ESRRG: variants seen among roughly 807,000 people sequenced by gnomAD.
ESRRG encodes estrogen-related receptor gamma.
ESRRG carries 13 observed loss-of-function variants against 44.0 expected under a neutral mutation model. The observed-to-expected ratio is 0.30, with a 90% CI of 0.19 to 0.47. ESRRG has a LOEUF of 0.47. ESRRG is among the 20% of genes least tolerant of loss of function. ESRRG has a pLI of 1.00. For missense variants in ESRRG, 395 were observed against 580.6 expected, an observed-to-expected ratio of 0.68 and a Z score of 3.29; for synonymous variants, 215 against 214.6, an observed-to-expected ratio of 1.00 and a Z score of -0.02.
intron 1 of ESRRG, among the ~76,000 whole-genome samples, chr1:217,084,922 T>C (rs2091986809): frequency 6.6e-6 from 1 of 152,172 alleles, no homozygotes; most frequent in African/African-American, 2.4e-5. Flanking sequence ...AAAGGCCTGA[T>C]TTAAAACTAT....
chr1:216,576,445 G>A (rs570062943), intron 3 of ESRRG, among the ~76,000 whole-genome samples: 1 of 151,774 alleles, frequency 6.6e-6, no homozygotes, highest in Non-Finnish European at 1.5e-5. Flanking sequence ...GCAAGGGGAA[G>A]TCTTTCGTTT....
intron 1 of ESRRG, among the ~76,000 whole-genome samples, chr1:216,942,088 C>A (rs991593727): frequency 6.9e-6 from 1 of 144,230 alleles, no homozygotes; most frequent in African/African-American, 2.5e-5. Context: ...CTTTTGGAGT[C>A]CCCAGTGTCT....
At chr1:216,508,203 T>C (rs2041728096) in intron 6 of ESRRG, among the ~76,000 whole-genome samples, 1 of 152,190 alleles carries the variant, frequency 6.6e-6, no homozygotes, top group South Asian at 2.1e-4. Context: ...AGAGGGAATG[T>C]AATTTAAAAT....
intron 1 of ESRRG, among the ~76,000 whole-genome samples, chr1:217,063,082 C>T (rs1580279790): frequency 6.6e-6 from 1 of 152,116 alleles, no homozygotes; most frequent in East Asian, 1.9e-4. Context: ...TATTGTTACC[C>T]TTCCCCTCCT....
chr1:216,718,706 A>C (rs2085463969), intron 1 of ESRRG, among the ~76,000 whole-genome samples: 1 of 152,042 alleles, frequency 6.6e-6, no homozygotes. Context: ...AAACTGGGCC[A>C]GTGTAATCAA....
chr1:217,066,112 A>G (rs1231758963), intron 1 of ESRRG, among the ~76,000 whole-genome samples: 1 of 152,196 alleles, frequency 6.6e-6, no homozygotes, highest in Non-Finnish European at 1.5e-5. Context: ...GGCTATCGCT[A>G]CTGTTGTGCT....
intron 1 of ESRRG, among the ~76,000 whole-genome samples, chr1:217,022,731 A>T (rs1289212057): frequency 6.6e-6 from 1 of 152,164 alleles, no homozygotes; most frequent in Admixed American, 6.5e-5. Flanking sequence ...GAAGCAATGT[A>T]CACTTTGTTT....
intron 6 of ESRRG, among the ~76,000 whole-genome samples, chr1:216,518,230 C>A (rs1385487019): frequency 2.0e-5 from 3 of 152,100 alleles, no homozygotes; most frequent in Non-Finnish European, 4.4e-5. Flanking sequence ...ACCTTGAATG[C>A]TGCAGAATTT....
At position 216,903,265 on chromosome 1, in the gene ESRRG, C is replaced by A. The variant is rs190189947; in HGVS notation, c.-14+36317G>T. ...TGGGAAATGACTACAGGAGACATTA[C>A]CCAGCATGTTATTCTTCATGGAGTG... On this transcript the variant is annotated intron_variant, in intron 2 of 7. Coordinates refer to the ESRRG transcript ENST00000359162. 1.1e-3 allele frequency among the ~76,000 whole-genome samples: 168 copies of A among 152,238 alleles called. 2 individuals carry two copies. The highest frequency in any genetic ancestry group is 3.6e-3 in the African/African-American group (151 of 41,540).
At chr1:216,916,831 G>T (rs4012828) in intron 2 of ESRRG, among the ~76,000 whole-genome samples, 1 of 99,060 alleles carries the variant, frequency 1.0e-5, no homozygotes, top group African/African-American at 3.8e-5. Flanking sequence ...ACTCAGCTTT[G>T]GTCTTTTTTT....
At chr1:216,730,174 A>G (rs1575845045) in intron 2 of ESRRG, among the ~76,000 whole-genome samples, 1 of 152,256 alleles carries the variant, frequency 6.6e-6, no homozygotes, top group East Asian at 1.9e-4. Context: ...ACTAGCGCAT[A>G]GAACTCCGAC....
intron 3 of ESRRG, among the ~76,000 whole-genome samples, chr1:216,575,601 C>T (rs756716006): frequency 7.9e-5 from 12 of 152,052 alleles, no homozygotes; most frequent in East Asian, 3.9e-4. Context: ...GAGGCAGGTG[C>T]TATTATCATC....
At position 216,603,953 on chromosome 1, in the gene ESRRG, A is replaced by C. The variant is rs970344754; in HGVS notation, c.590-35855T>G. 2.8e-4 allele frequency among the ~76,000 whole-genome samples: 20 copies of C among 70,446 alleles called. No individual in the cohort carries two copies. In the South Asian group the frequency reaches 4.3e-3, roughly 15 times the overall value. 46.2% of individuals were successfully genotyped at this position (70,446 alleles called of 152,430 possible). A position where few individuals can be genotyped will look rare whatever the true frequency, so the allele number is the denominator to read the frequency against. ...CAAAAAAAACAAAAAAACAAAAAAA[A>C]AAAAAAAAAGGAAAGAAAAATTGTT... On this transcript the variant is annotated intron_variant, in intron 3 of 6. Transcript: ENST00000408911.
intron 1 of ESRRG, among the ~76,000 whole-genome samples, chr1:217,030,558 C>T (rs980172669): frequency 6.6e-6 from 1 of 152,230 alleles, no homozygotes; most frequent in Non-Finnish European, 1.5e-5. Flanking sequence ...TCCCCAGCTT[C>T]CTCATTTACA....
At chr1:216,639,749 T>TACACA (rs2066009539) in intron 3 of ESRRG, among the ~76,000 whole-genome samples, 1 of 152,192 alleles carries the variant, frequency 6.6e-6, no homozygotes, top group Non-Finnish European at 1.5e-5. Flanking sequence ...GAAAGGGATT[T>TACACA]TGATCCTAGA....
chr1:216,985,356 G>A (rs774400951), intron 1 of ESRRG, among the ~76,000 whole-genome samples: 10 of 152,232 alleles, frequency 6.6e-5, no homozygotes, highest in East Asian at 1.9e-4. Flanking sequence ...ATTACAACTC[G>A]GAGTAGCATG....
At chr1:216,802,267 C>T (rs1230962947) in intron 2 of ESRRG, among the ~76,000 whole-genome samples, 6 of 152,012 alleles carry the variant, frequency 3.9e-5, no homozygotes, top group Non-Finnish European at 8.8e-5. Context: ...TAGCAATGCA[C>T]ATCTTCCCAA....
intron 3 of ESRRG, among the ~76,000 whole-genome samples, chr1:216,629,939 T>C (rs1193158300): frequency 1.3e-5 from 2 of 152,170 alleles, no homozygotes; most frequent in African/African-American, 4.8e-5. Flanking sequence ...AATTCTTTGC[T>C]TGTAAAAATT....
chr1:216,518,170 CCAGCCTGAGATTGATCGTCA>C (rs1401389071), intron 6 of ESRRG, among the ~76,000 whole-genome samples: 2 of 152,054 alleles, frequency 1.3e-5, no homozygotes, highest in Non-Finnish European at 2.9e-5. Context: ...GCGGCTGAGC[CCAGCCTGAGATTGATCGTCA>C]CATATGGCCC....
Sources: gnomAD v4.1 joint callset for allele counts (sites outside exome capture counted in the v4.1 genomes callset) on GRCh38, gnomAD v4.1.1 for gene constraint, MANE v1.5 for transcripts, NCBI Gene and HGNC (gene_info 2026-07-23, HGNC 2026-07-21) for gene names.